Variants in ZFAND3 observed in about 807,000 individuals in gnomAD.
ZFAND3 encodes AN1-type zinc finger protein 3.
A neutral mutation model predicts 29.6 loss-of-function variants in ZFAND3; 10 were observed. The ratio of observed to expected loss-of-function variants is 0.34; its 90% CI spans 0.21 to 0.57. The LOEUF (loss-of-function observed/expected upper bound fraction) is 0.57. Among genes scored for constraint, ZFAND3 ranks in the 20% least tolerant of loss-of-function variants. The pLI is 0.86. For missense variants in ZFAND3, 230 were observed against 304.5 expected (o/e 0.76, Z 1.82); for synonymous variants, 128 against 112.6 (o/e 1.14, Z -0.87).
intron 4 of ZFAND3, among the ~76,000 whole-genome samples, chr6:38,108,066 A>G (rs1024880898): frequency 6.6e-6 from 1 of 152,232 alleles, no homozygotes; most frequent in Admixed American, 6.5e-5. Context: ...TTTAAGAACA[A>G]TGAGGGTAAT....
chr6:38,016,983 T>C (rs1292813097), intron 2 of ZFAND3, among the ~76,000 whole-genome samples: 2 of 152,182 alleles, frequency 1.3e-5, no homozygotes, highest in African/African-American at 2.4e-5. Context: ...TGTCTTGAAC[T>C]TCCCTTTTCT....
chr6:37,992,600 A>G (rs1269332168), intron 2 of ZFAND3, among the ~76,000 whole-genome samples: 2 of 152,180 alleles, frequency 1.3e-5, no homozygotes, highest in East Asian at 3.8e-4. Flanking sequence ...CTCCCCAAGA[A>G]TAAGGATATT....
rs1210696344 is a variant in ZFAND3, at chr6:38,153,682, G to C, written c.*1293G>C. 3.0e-6 allele frequency: 3 copies of C among 985,210 alleles called. No individual in the cohort carries two copies. In the African/African-American group the frequency reaches 5.2e-5, roughly 17 times the overall value. The allele number at this position is 985,210 out of a possible 1,614,324, so 61.0% of individuals were successfully genotyped here. A position where few individuals can be genotyped will look rare whatever the true frequency, so the allele number is the denominator to read the frequency against. On this transcript the variant is annotated 3_prime_UTR_variant, in exon 6 of 6. Coordinates refer to ENST00000287218, the MANE Select transcript of ZFAND3 (RefSeq NM_021943.3). ...GCACGCCAGGTGGGGAAGGGTGGGG[G>C]TGGGCCTGGTTGCCCCATGTTAGGA... is the stretch of plus-strand genomic sequence containing the variant.
At position 37,891,658 on chromosome 6, in the gene ZFAND3, C is replaced by T. The variant is rs574609054; in HGVS notation, c.72-38301C>T. On this transcript the variant is annotated intron_variant, in intron 1 of 5. Transcript: ENST00000287218. ...GATAAACAAGGAAATAGAAGACTTG[C>T]ATAACACTGTTTAAGCAGCTAGAGC... Among the ~76,000 whole-genome samples, 48 of 152,228 alleles carry T rather than the reference C, an allele frequency of 3.2e-4. 1 individual carries two copies. Among genetic ancestry groups the T allele is most frequent in the South Asian group, 3.1e-3 (15 of 4,810 alleles).
intron 2 of ZFAND3, among the ~76,000 whole-genome samples, chr6:37,978,520 TTAAATGTTTG>T (rs1762527391): frequency 6.6e-6 from 1 of 152,138 alleles, no homozygotes; most frequent in African/African-American, 2.4e-5. Flanking sequence ...TGTTTCTTCT[TTAAATGTTTG>T]ATGAGATTCA....
intron 5 of ZFAND3, among the ~76,000 whole-genome samples, chr6:38,129,474 T>C (rs1765702119): frequency 6.6e-6 from 1 of 152,222 alleles, no homozygotes; most frequent in African/African-American, 2.4e-5. Flanking sequence ...TTTAAGTCTT[T>C]AACCCATCTT....
At chr6:37,989,332 C>T (rs370692523) in intron 2 of ZFAND3, among the ~76,000 whole-genome samples, 12 of 152,196 alleles carry the variant, frequency 7.9e-5, no homozygotes, top group African/African-American at 2.9e-4. Context: ...ATTTATTCCT[C>T]ATAATACTAC....
chr6:37,933,582 G>T (rs1212594856), intron 2 of ZFAND3, among the ~76,000 whole-genome samples: 1 of 152,202 alleles, frequency 6.6e-6, no homozygotes, highest in East Asian at 1.9e-4. Context: ...CCATTGAAAT[G>T]TTAGTTGCTG....
chr6:38,132,797 AT>A (rs147713138), intron 5 of ZFAND3, among the ~76,000 whole-genome samples: 4,491 of 152,180 alleles, frequency 0.03, 174 homozygotes, highest in African/African-American at 0.085. Context: ...GGCAACTTAG[AT>A]TGACTAGGTG....
rs1046229642 is a variant in ZFAND3, at chr6:37,987,827, T to G, written c.112+57828T>G. Among the ~76,000 whole-genome samples the G allele has an allele frequency of 1.1e-4, 17 of 152,362 alleles. 1 individual carries two copies. In the Middle Eastern group the frequency reaches 0.01, roughly 91 times the overall value. Reference sequence around the variant, plus strand: ...GATGTAGTGACCCTCGGTCATGGTTTGTTTGGTCTCAGCTGCCCTTTCTTT... The same window carrying G: ...GATGTAGTGACCCTCGGTCATGGTTGGTTTGGTCTCAGCTGCCCTTTCTTT... On this transcript the variant is annotated intron_variant, in intron 2 of 5. Coordinates refer to ENST00000287218, the MANE Select transcript of ZFAND3 (RefSeq NM_021943.3).
intron 1 of ZFAND3, among the ~76,000 whole-genome samples, chr6:37,921,036 A>C (rs1000721193): frequency 6.6e-6 from 1 of 152,164 alleles, no homozygotes; most frequent in Non-Finnish European, 1.5e-5. Context: ...CTTAGAGTGT[A>C]GTAGGTATTG....
chr6:37,835,936 A>T (rs897589144), intron 1 of ZFAND3, among the ~76,000 whole-genome samples: 3 of 152,152 alleles, frequency 2.0e-5, no homozygotes, highest in African/African-American at 7.2e-5. Flanking sequence ...TTCCTTCTTG[A>T]TGAGTATTAT....
chr6:38,073,016 T>C (rs1294430025), intron 3 of ZFAND3, among the ~76,000 whole-genome samples: 1 of 152,198 alleles, frequency 6.6e-6, no homozygotes, highest in African/African-American at 2.4e-5. Flanking sequence ...TGTTCACTTC[T>C]GCCTGTAAAG....
At chr6:38,144,416 C>G (rs969877704) in intron 5 of ZFAND3, among the ~76,000 whole-genome samples, 50 of 151,998 alleles carry the variant, frequency 3.3e-4, no homozygotes, top group African/African-American at 1.2e-3. Context: ...TAGCTTCTGT[C>G]TGCTGGAGCT....
At chr6:38,093,029 A>G (rs1328806405) in intron 4 of ZFAND3, among the ~76,000 whole-genome samples, 2 of 152,206 alleles carry the variant, frequency 1.3e-5, no homozygotes, top group African/African-American at 4.8e-5. Context: ...ATACATGCTA[A>G]TCCCAGTAGT....
At chr6:38,012,852 T>C (rs1287981018) in intron 2 of ZFAND3, among the ~76,000 whole-genome samples, 1 of 152,128 alleles carries the variant, frequency 6.6e-6, no homozygotes, top group Non-Finnish European at 1.5e-5. Flanking sequence ...TAAGTGTACA[T>C]CAGGAGGGGG....
chr6:37,949,278 C>G (rs1239413951), intron 2 of ZFAND3, among the ~76,000 whole-genome samples: 1 of 152,096 alleles, frequency 6.6e-6, no homozygotes, highest in Non-Finnish European at 1.5e-5. Context: ...TGTTCATGTC[C>G]TTTGCCCATT....
intron 5 of ZFAND3, among the ~76,000 whole-genome samples, chr6:38,143,780 A>C (rs1407759021): frequency 6.6e-6 from 1 of 152,186 alleles, no homozygotes; most frequent in Non-Finnish European, 1.5e-5. Context: ...TATGTCAGCC[A>C]ACTCAGCAAG....
intron 5 of ZFAND3, among the ~76,000 whole-genome samples, chr6:38,122,033 CT>C (rs1765544631): frequency 6.6e-6 from 1 of 152,206 alleles, no homozygotes; most frequent in African/African-American, 2.4e-5. Context: ...ACTCAGCATT[CT>C]TCTATAAGTG....
Sources: gnomAD v4.1 joint callset for allele counts (sites outside exome capture counted in the v4.1 genomes callset) on GRCh38, gnomAD v4.1.1 for gene constraint, MANE v1.5 for transcripts, NCBI Gene and HGNC (gene_info 2026-07-23, HGNC 2026-07-21) for gene names.